The following IRAK1BP1 variants were observed in gnomAD, a reference collection of about 807,000 sequenced individuals.
The protein encoded by IRAK1BP1 is interleukin-1 receptor-associated kinase 1-binding protein 1.
Under a neutral mutation model 28.0 loss-of-function variants are expected in IRAK1BP1, and 24 were observed. The observed-to-expected ratio is 0.86, with a 90% CI of 0.62 to 1.20. The LOEUF (loss-of-function observed/expected upper bound fraction) is 1.20, where lower values mean the gene tolerates loss of function less well. Ranked by LOEUF, IRAK1BP1 falls within the 50% of genes most tolerant of loss-of-function variation. The pLI is 0.00. For missense variants in IRAK1BP1, 336 were observed against 316.7 expected (o/e 1.06, Z -0.46); for synonymous variants, 131 against 116.3 (o/e 1.13, Z -0.81).
chr6:78,953,866 G>T, the IRAK1BP1 span, among the ~76,000 whole-genome samples: 3 of 151,958 alleles, frequency 2.0e-5, no homozygotes, highest in East Asian at 5.8e-4. Context: ...GATTACAGGT[G>T]TAAGACACCA....
At chr6:78,913,203 C>T (rs1772472802) in intron 4 of IRAK1BP1, among the ~76,000 whole-genome samples, 1 of 151,910 alleles carries the variant, frequency 6.6e-6, no homozygotes, top group Non-Finnish European at 1.5e-5. Flanking sequence ...GGCGTGGTGG[C>T]ATGCACCTGT....
the IRAK1BP1 span, chr6:78,970,964 G>T: frequency 3.1e-6 from 3 of 960,366 alleles, no homozygotes; most frequent in East Asian, 2.7e-5. Flanking sequence ...AGCTGAAATT[G>T]CAAAGAGAAA....
the IRAK1BP1 span, among the ~76,000 whole-genome samples, chr6:78,973,181 A>G: frequency 6.6e-4 from 100 of 152,290 alleles, 1 homozygote; most frequent in South Asian, 8.1e-3. Context: ...CGGATCTCTC[A>G]GCAGAAACTC....
intron 4 of IRAK1BP1, among the ~76,000 whole-genome samples, chr6:78,916,888 G>T (rs1327212231): frequency 6.6e-6 from 1 of 152,152 alleles, no homozygotes; most frequent in African/African-American, 2.4e-5. Context: ...AGGTTGCAGT[G>T]AGACAGGAAT....
downstream of IRAK1BP1, chr6:78,946,903 C>A: frequency 6.7e-7 from 1 of 1,482,454 alleles, no homozygotes; most frequent in Non-Finnish European, 9.0e-7. Flanking sequence ...AGTGTTCAAC[C>A]ATTCCTTGGA....
At chr6:78,964,999 C>CCA in the IRAK1BP1 span, among the ~76,000 whole-genome samples, 2 of 152,080 alleles carry the variant, frequency 1.3e-5, no homozygotes, top group African/African-American at 4.8e-5. Flanking sequence ...AATATAATCT[C>CCA]CAGGCTTTGG....
chr6:78,943,990 T>TTAA (rs1491455481), intron 4 of IRAK1BP1, among the ~76,000 whole-genome samples: 5 of 78,144 alleles, frequency 6.4e-5, no homozygotes, highest in African/African-American at 2.6e-4. Context: ...TGTCTTTTTT[T>TTAA]AAAAAAAAAA....
intron 4 of IRAK1BP1, among the ~76,000 whole-genome samples, chr6:78,913,897 C>T (rs1451567675): frequency 6.6e-6 from 1 of 152,148 alleles, no homozygotes; most frequent in Non-Finnish European, 1.5e-5. Flanking sequence ...TACTGTTATG[C>T]TTTTGACATT....
At chr6:78,907,419 T>A (rs1222573761), downstream of IRAK1BP1, among the ~76,000 whole-genome samples, 2 of 152,154 alleles carry the variant, frequency 1.3e-5, no homozygotes, top group Non-Finnish European at 2.9e-5. Flanking sequence ...TATCTTACAT[T>A]TGTGTGTCCA....
chr6:78,878,789 C>T (rs560636777), intron 1 of IRAK1BP1, among the ~76,000 whole-genome samples: 5 of 152,150 alleles, frequency 3.3e-5, no homozygotes, highest in Admixed American at 2.0e-4. Flanking sequence ...GAATAAACGG[C>T]GTAGAGAAGA....
chr6:78,916,306 G>T (rs1300300223), intron 4 of IRAK1BP1, among the ~76,000 whole-genome samples: 2 of 151,972 alleles, frequency 1.3e-5, no homozygotes, highest in African/African-American at 2.4e-5. Flanking sequence ...CTAGATATCA[G>T]AAAATGATTA....
At chr6:78,876,456 G>T (rs763455700) in intron 1 of IRAK1BP1, among the ~76,000 whole-genome samples, 1 of 152,148 alleles carries the variant, frequency 6.6e-6, no homozygotes, top group Non-Finnish European at 1.5e-5. Flanking sequence ...TCTGCCTTTT[G>T]TATTTAGAAA....
intron 4 of IRAK1BP1, among the ~76,000 whole-genome samples, chr6:78,943,210 G>T (rs1030929148): frequency 6.6e-6 from 1 of 151,964 alleles, no homozygotes; most frequent in Non-Finnish European, 1.5e-5. Context: ...TATTCCACTA[G>T]ACAACACTGC....
the IRAK1BP1 span, chr6:78,956,724 A>G: frequency 2.6e-5 from 4 of 152,138 alleles, no homozygotes; most frequent in Non-Finnish European, 5.9e-5. Flanking sequence ...TCCAGAATCT[A>G]TCAGTATCTA....
intron 4 of IRAK1BP1, among the ~76,000 whole-genome samples, chr6:78,928,724 G>GA (rs768182854): frequency 6.6e-6 from 1 of 152,104 alleles, no homozygotes; most frequent in Non-Finnish European, 1.5e-5. Context: ...TTTTTATCAT[G>GA]AAGGGATGTT....
intron 4 of IRAK1BP1, among the ~76,000 whole-genome samples, chr6:78,910,566 A>G (rs1000292966): frequency 6.6e-6 from 1 of 152,246 alleles, no homozygotes; most frequent in Non-Finnish European, 1.5e-5. Flanking sequence ...GCTACAAAAT[A>G]CCTAAGGAAA....
At chr6:78,903,468 G>A (rs542203866), downstream of IRAK1BP1, among the ~76,000 whole-genome samples, 7 of 152,224 alleles carry the variant, frequency 4.6e-5, no homozygotes, top group Admixed American at 6.5e-5. Flanking sequence ...TCCAGCTTGG[G>A]CGACAGTGCG....
intron 4 of IRAK1BP1, among the ~76,000 whole-genome samples, chr6:78,922,831 G>T (rs377640672): frequency 1.3e-4 from 20 of 152,160 alleles, no homozygotes; most frequent in African/African-American, 3.6e-4. Flanking sequence ...CTAAGCTTCA[G>T]AAGTGAAGGA....
chr6:78,943,990 T>TTTA (rs1491455481), intron 4 of IRAK1BP1, among the ~76,000 whole-genome samples: 1 of 78,144 alleles, frequency 1.3e-5, no homozygotes, highest in African/African-American at 5.2e-5. Flanking sequence ...TGTCTTTTTT[T>TTTA]AAAAAAAAAA....
Sources: gnomAD v4.1 joint callset for allele counts (sites outside exome capture counted in the v4.1 genomes callset) on GRCh38, gnomAD v4.1.1 for gene constraint, MANE v1.5 for transcripts, NCBI Gene and HGNC (gene_info 2026-07-23, HGNC 2026-07-21) for gene names.